EVA1C: variants seen among roughly 807,000 people sequenced by gnomAD.
The protein encoded by EVA1C is eva-1 homolog C.
Under a neutral mutation model 45.4 loss-of-function variants are expected in EVA1C, and 25 were observed. The ratio of observed to expected loss-of-function variants is 0.55; its 90% confidence interval spans 0.40 to 0.77. EVA1C has a LOEUF of 0.77. Among genes scored for constraint, EVA1C ranks in the 30% least tolerant of loss-of-function variants. The probability of loss-of-function intolerance (pLI) is 0.00; values close to 1 mark genes in which losing one functional copy is unlikely to be tolerated. For synonymous variants in EVA1C, 190 were observed against 221.2 expected, an observed-to-expected ratio of 0.86 and a Z score of 1.25; for missense variants, 479 against 554.8, an observed-to-expected ratio of 0.86 and a Z score of 1.37.
intron 1 of EVA1C, among the ~76,000 whole-genome samples, chr21:32,445,277 C>G (rs2035323852): frequency 6.6e-6 from 1 of 152,188 alleles, no homozygotes; most frequent in Non-Finnish European, 1.5e-5. Flanking sequence ...ACATTTGCCT[C>G]AGGCGAGCAG....
At chr21:32,445,114 A>G (rs1191791414) in intron 1 of EVA1C, among the ~76,000 whole-genome samples, 2 of 152,166 alleles carry the variant, frequency 1.3e-5, no homozygotes, top group African/African-American at 2.4e-5. Context: ...TCAATATTTA[A>G]AGGGGAAAGG....
At chr21:32,457,440 C>T (rs941540215) in intron 2 of EVA1C, among the ~76,000 whole-genome samples, 157 bp from the exon 3 acceptor site, 2 of 152,192 alleles carry the variant, frequency 1.3e-5, no homozygotes, top group African/African-American at 4.8e-5. Flanking sequence ...AGGGAGCTAA[C>T]CCAATCACCC....
chr21:32,510,629 A>G (rs1391611380), intron 7 of EVA1C, among the ~76,000 whole-genome samples: 3 of 152,188 alleles, frequency 2.0e-5, no homozygotes, highest in African/African-American at 4.8e-5. Context: ...GAGGATGGGG[A>G]CCAGGTGCCT....
At chr21:32,455,249 A>G (rs2035735210) in intron 2 of EVA1C, among the ~76,000 whole-genome samples, 1 of 152,122 alleles carries the variant, frequency 6.6e-6, no homozygotes, top group Non-Finnish European at 1.5e-5. Context: ...AGAAGGAGAG[A>G]GGGCCAACTT....
intron 1 of EVA1C, among the ~76,000 whole-genome samples, chr21:32,436,058 TTG>T (rs2034936629): frequency 6.6e-6 from 1 of 152,156 alleles, no homozygotes; most frequent in East Asian, 1.9e-4. Context: ...GTTTGTTTGT[TTG>T]TTTGTTTTTG....
intron 7 of EVA1C, among the ~76,000 whole-genome samples, chr21:32,511,368 A>T (rs2037941692): frequency 6.7e-6 from 1 of 149,148 alleles, no homozygotes; most frequent in Non-Finnish European, 1.5e-5. Flanking sequence ...GCAGTGAGCC[A>T]AGATCATGCC....
intron 1 of EVA1C, among the ~76,000 whole-genome samples, chr21:32,424,472 T>G (rs2034411885): frequency 6.6e-6 from 1 of 152,158 alleles, no homozygotes; most frequent in Non-Finnish European, 1.5e-5. Context: ...TTAAAAAAAA[T>G]GTACACTGAA....
intron 7 of EVA1C, among the ~76,000 whole-genome samples, chr21:32,505,160 C>G (rs529626469): frequency 1.3e-5 from 2 of 152,238 alleles, no homozygotes; most frequent in Admixed American, 6.5e-5. Context: ...GGTGGGGACA[C>G]AGCCAAACCA....
At chr21:32,458,518 A>T (rs7276257) in intron 3 of EVA1C, among the ~76,000 whole-genome samples, 56,762 of 148,052 alleles carry the variant, frequency 0.38, 11,375 homozygotes, top group East Asian at 0.51. Flanking sequence ...GTTTCACTCT[A>T]GTTGCCCAGG....
At chr21:32,491,681 CAAAAAAAAAAAAAAA>C (rs34286023) in intron 4 of EVA1C, among the ~76,000 whole-genome samples, 2 of 57,682 alleles carry the variant, frequency 3.5e-5, no homozygotes, top group Admixed American at 2.2e-4. Flanking sequence ...GAGACTCTGT[CAAAAAAAAAAAAAAA>C]AAAAAAAAAA....
chr21:32,423,583 G>T (rs2034373865), intron 1 of EVA1C, among the ~76,000 whole-genome samples: 1 of 152,012 alleles, frequency 6.6e-6, no homozygotes, highest in African/African-American at 2.4e-5. Flanking sequence ...GTGTTTGGAA[G>T]TATGTTCACA....
chr21:32,480,675 T>A (rs2036747695), intron 4 of EVA1C, among the ~76,000 whole-genome samples: 1 of 150,638 alleles, frequency 6.6e-6, no homozygotes, highest in Non-Finnish European at 1.5e-5. Flanking sequence ...CTCAAAAAAC[T>A]TTTTTTGCCG....
intron 4 of EVA1C, chr21:32,493,604 T>A (rs1439170357): frequency 6.6e-6 from 1 of 152,164 alleles, no homozygotes; most frequent in Non-Finnish European, 1.5e-5. Flanking sequence ...CACAGCGATC[T>A]CTCCCGCCTC....
At chr21:32,460,709 C>A (rs549449941) in intron 3 of EVA1C, among the ~76,000 whole-genome samples, 1 of 151,906 alleles carries the variant, frequency 6.6e-6, no homozygotes, top group Non-Finnish European at 1.5e-5. Flanking sequence ...AGGGTCAGGG[C>A]TTCATGGAGA....
At chr21:32,462,044 CA>C (rs892018727) in intron 3 of EVA1C, among the ~76,000 whole-genome samples, 2 of 152,176 alleles carry the variant, frequency 1.3e-5, no homozygotes, top group East Asian at 1.9e-4. Context: ...GAGTTGAGCT[CA>C]GCAGTTGGTA....
Position 32,412,910 on chromosome 21 carries a change from C to T in EVA1C, c.57C>T (p.Pro19=), listed in dbSNP as rs775225229. Residue 19 remains proline (P), a synonymous_variant, in exon 1 of 8, where the codon CCC becomes CCT. Transcript: ENST00000300255. The part of the protein sequence containing the change: ...QPPTPQPVQH[P]GLRRQVEPPG... Reference sequence around the variant, plus strand: ...CGACGCCCCAGCCCGTGCAGCATCCCGGCCTCCGCCGGCAGGTAGAGCCGC... The same window carrying T: ...CGACGCCCCAGCCCGTGCAGCATCCTGGCCTCCGCCGGCAGGTAGAGCCGC... 1.3e-6 allele frequency: 2 copies of T among 1,519,734 alleles called. No homozygotes were observed. The highest frequency in any genetic ancestry group is 2.7e-5 in the East Asian group (1 of 37,258). The allele number at this position is 1,519,734 out of a possible 1,614,324, so 94.1% of individuals were successfully genotyped here.
intron 7 of EVA1C, among the ~76,000 whole-genome samples, chr21:32,513,129 TATA>T (rs1337329969): frequency 2.0e-5 from 3 of 149,884 alleles, no homozygotes; most frequent in African/African-American, 7.3e-5. Context: ...CTTACAATGA[TATA>T]ATATCATTAT....
intron 4 of EVA1C, among the ~76,000 whole-genome samples, chr21:32,481,272 T>C (rs558240099): frequency 6.2e-4 from 95 of 152,304 alleles, no homozygotes; most frequent in Admixed American, 1.7e-3. Flanking sequence ...ACAGAAATCA[T>C]ATATTCCATT....
intron 1 of EVA1C, among the ~76,000 whole-genome samples, chr21:32,450,788 T>C (rs62216208): frequency 0.22 from 34,180 of 152,006 alleles, 3,994 homozygotes; most frequent in Admixed American, 0.31. Flanking sequence ...TGAGGGGTCT[T>C]GGCCTGGTCT....
Sources: allele counts gnomAD v4.1 joint callset (sites outside exome capture counted in the v4.1 genomes callset), GRCh38; gene constraint gnomAD v4.1.1; transcripts MANE v1.5; gene names NCBI Gene and HGNC (gene_info 2026-07-23, HGNC 2026-07-21).